ATP10A: variants seen among roughly 807,000 people sequenced by gnomAD.
ATP10A encodes phospholipid-transporting ATPase VA.
Under a neutral mutation model 147.8 loss-of-function variants are expected in ATP10A, and 111 were observed. The observed-to-expected ratio is 0.75, with a 90% CI of 0.64 to 0.88. The LOEUF is 0.88. ATP10A is among the 40% of genes least tolerant of loss of function. ATP10A has a pLI of 0.00. For missense variants in ATP10A, 1,927 were observed against 1,959.0 expected, an observed-to-expected ratio of 0.98 and a Z score of 0.31; for synonymous variants, 875 against 841.6, an observed-to-expected ratio of 1.04 and a Z score of -0.69.
chr15:25,707,919 G>A, intron 12 of ATP10A, 57 bp downstream of exon 12: 2 of 1,596,220 alleles, frequency 1.3e-6, no homozygotes, highest in Middle Eastern at 1.8e-4. Context: ...CACCCCTCCA[G>A]GGCCGTCCCT....
At chr15:25,824,507 T>A (rs4906787) in intron 1 of ATP10A, among the ~76,000 whole-genome samples, 45,875 of 146,046 alleles carry the variant, frequency 0.31, 8,624 homozygotes, top group African/African-American at 0.5. Flanking sequence ...AAAAAACATT[T>A]CTCAACTCAT....
At chr15:25,739,680 T>C (rs1018304690) in intron 2 of ATP10A, among the ~76,000 whole-genome samples, 1 of 152,178 alleles carries the variant, frequency 6.6e-6, no homozygotes, top group African/African-American at 2.4e-5. Flanking sequence ...CACCCCAGCA[T>C]CTCAGACAAA....
chr15:25,804,507 CGT>C (rs1891094384), intron 1 of ATP10A, among the ~76,000 whole-genome samples: 1 of 150,170 alleles, frequency 6.7e-6, no homozygotes, highest in African/African-American at 2.5e-5. Context: ...GTGTGTGTGA[CGT>C]GTGTGTACAT....
intron 12 of ATP10A, among the ~76,000 whole-genome samples, chr15:25,705,962 G>A (rs1373544484): frequency 1.3e-5 from 2 of 152,204 alleles, no homozygotes; most frequent in South Asian, 2.1e-4. Flanking sequence ...CACCTGGAGG[G>A]AAGGAATCCA....
chr15:25,846,080 G>A (rs944921925), intron 1 of ATP10A, among the ~76,000 whole-genome samples: 8 of 152,128 alleles, frequency 5.3e-5, no homozygotes, highest in East Asian at 1.9e-4. Flanking sequence ...GTGTGATTCC[G>A]CTCACGTGAG....
intron 2 of ATP10A, among the ~76,000 whole-genome samples, chr15:25,764,929 T>A (rs8032237): frequency 0.94 from 142,641 of 152,254 alleles, 67,307 homozygotes; most frequent in Non-Finnish European, 1. Context: ...TGGGGACCTG[T>A]GACTGCAGGG....
intron 2 of ATP10A, among the ~76,000 whole-genome samples, chr15:25,746,642 A>T (rs920925454): frequency 6.6e-6 from 1 of 152,234 alleles, no homozygotes; most frequent in African/African-American, 2.4e-5. Context: ...GATTAACTTA[A>T]ATCAGAATTC....
In ATP10A at chr15:25,686,319, A is replaced by C. The variant is rs1450868804; in HGVS notation, c.3291+1384T>G. Among the ~76,000 whole-genome samples, 6 of 107,190 alleles carry C rather than the reference A, an allele frequency of 5.6e-5. 3 individuals carry two copies. The South Asian group carries it at 1.2e-3, about 22-fold the overall frequency. The allele number at this position is 107,190 out of a possible 152,430, so 70.3% of individuals were successfully genotyped here. A position where few individuals can be genotyped will look rare whatever the true frequency, so the allele number is the denominator to read the frequency against. ...CAAAGTGAGACCCTGCCTCTACAAA[A>C]TTAAAAAAAAAAAAAAATTAGATGT... is the stretch of plus-strand genomic sequence containing the variant. On this transcript the variant is annotated intron_variant, in intron 16 of 20. Transcript: ENST00000555815.
chr15:25,765,889 C>T (rs577947204), intron 2 of ATP10A, among the ~76,000 whole-genome samples: 93 of 152,330 alleles, frequency 6.1e-4, no homozygotes, highest in African/African-American at 2.2e-3. Context: ...CACTCACCAC[C>T]TGCCAGGTGC....
chr15:25,851,079 G>C (rs551650202), intron 1 of ATP10A, among the ~76,000 whole-genome samples: 184 of 152,080 alleles, frequency 1.2e-3, no homozygotes, highest in Non-Finnish European at 1.4e-3. Flanking sequence ...ACTTGGGGAG[G>C]GAGCCTTGTC....
chr15:25,816,792 A>G (rs1168635921), intron 1 of ATP10A, among the ~76,000 whole-genome samples: 2 of 151,990 alleles, frequency 1.3e-5, no homozygotes, highest in African/African-American at 4.8e-5. Flanking sequence ...GAAAAGATCT[A>G]AGATCTCCAC....
At position 25,743,063 on chromosome 15, in the gene ATP10A, C is replaced by G. The variant is rs145637584; in HGVS notation, c.655-6922G>C. On this transcript the variant is annotated intron_variant, in intron 2 of 20. Transcript: ENST00000555815. ...CTGGAGAAAAGGTGCTCTCTCTGTG[C>G]ACAGCGTAAGAGGGGTCTGGAGCCT... 3.5e-3 allele frequency among the ~76,000 whole-genome samples: 527 copies of G among 152,274 alleles called. 1 individual carries two copies. The Middle Eastern group carries it at 0.037, about 11-fold the overall frequency.
chr15:25,718,109 T>A (rs1290943677), intron 8 of ATP10A, 73 bp downstream of exon 8: 8 of 1,484,772 alleles, frequency 5.4e-6, no homozygotes, highest in Non-Finnish European at 7.4e-6. Context: ...TATAGACACC[T>A]TCCATGAGCG....
intron 2 of ATP10A, among the ~76,000 whole-genome samples, chr15:25,750,101 G>T (rs913513102): frequency 1.3e-5 from 2 of 151,620 alleles, no homozygotes; most frequent in African/African-American, 4.8e-5. Flanking sequence ...TAAACCTACA[G>T]ATCCAAGAAT....
chr15:25,741,830 CTCAA>C (rs1343517493), intron 2 of ATP10A, among the ~76,000 whole-genome samples: 1 of 152,158 alleles, frequency 6.6e-6, no homozygotes, highest in African/African-American at 2.4e-5. Flanking sequence ...ATAGTGGGTA[CTCAA>C]TCAGTTATTT....
chr15:25,680,929 G>C lies in ATP10A; in HGVS notation c.3574-15C>G. The C allele has an allele frequency of 5.0e-6, 8 of 1,613,848 alleles. No individual in the cohort carries two copies. Among genetic ancestry groups the C allele is most frequent in the Non-Finnish European group, 6.8e-6 (8 of 1,179,760 alleles). On this transcript the variant is annotated splice_polypyrimidine_tract_variant and intron_variant, in intron 18 of 20. Transcript: ENST00000555815. Reference sequence around the variant, plus strand: ...TCATAGTAGGCCTGAAAGACAGTGGGGTCCTGGATCTGTAGGTCCCCGGAT... The same window carrying C: ...TCATAGTAGGCCTGAAAGACAGTGGCGTCCTGGATCTGTAGGTCCCCGGAT...
chr15:25,791,055 C>T (rs1890396330), intron 1 of ATP10A, among the ~76,000 whole-genome samples: 1 of 149,030 alleles, frequency 6.7e-6, no homozygotes, highest in Admixed American at 6.8e-5. Flanking sequence ...AAACCAGCTG[C>T]TTCGTCTTTT....
chr15:25,823,514 T>C (rs1891976367), intron 1 of ATP10A, among the ~76,000 whole-genome samples: 2 of 152,226 alleles, frequency 1.3e-5, no homozygotes, highest in Non-Finnish European at 2.9e-5. Flanking sequence ...GCATTCCTCC[T>C]GCTTTTGAGT....
At chr15:25,749,523 A>C (rs1226537870) in intron 2 of ATP10A, among the ~76,000 whole-genome samples, 1 of 152,200 alleles carries the variant, frequency 6.6e-6, no homozygotes, top group Non-Finnish European at 1.5e-5. Context: ...TAACAAATCA[A>C]ATTGTTTTGA....
Sources: gnomAD v4.1 joint callset for allele counts (sites outside exome capture counted in the v4.1 genomes callset) on GRCh38, gnomAD v4.1.1 for gene constraint, MANE v1.5 for transcripts, NCBI Gene and HGNC (gene_info 2026-07-23, HGNC 2026-07-21) for gene names.